FER: variants seen among roughly 807,000 people sequenced by gnomAD.
FER encodes FER tyrosine kinase, also known as tyrosine-protein kinase Fer.
In FER, 63 loss-of-function variants were observed where a neutral mutation model predicts 111.0. The observed-to-expected ratio is 0.57, with a 90% CI of 0.46 to 0.70. The LOEUF is 0.70. Among genes scored for constraint, FER ranks in the 30% least tolerant of loss-of-function variants. FER has a pLI of 0.00. For synonymous variants in FER, 327 were observed against 313.9 expected (o/e 1.04, Z -0.44); for missense variants, 914 against 954.0 (o/e 0.96, Z 0.55).
chr5:108,864,651 A>G (rs1407114561), intron 5 of FER, among the ~76,000 whole-genome samples: 2 of 152,186 alleles, frequency 1.3e-5, no homozygotes, highest in Non-Finnish European at 2.9e-5. Flanking sequence ...CAGGGTTGTC[A>G]AAGATCAGAT....
At chr5:108,938,245 CA>C (rs1291839155) in intron 10 of FER, among the ~76,000 whole-genome samples, 5 of 150,556 alleles carry the variant, frequency 3.3e-5, no homozygotes, top group Middle Eastern at 3.2e-3. Context: ...CCTCATGTTT[CA>C]AAAAAAGGAA....
intron 5 of FER, among the ~76,000 whole-genome samples, chr5:108,849,628 C>T (rs1762359149): frequency 6.6e-6 from 1 of 152,140 alleles, no homozygotes; most frequent in African/African-American, 2.4e-5. Flanking sequence ...AAATCCTTGT[C>T]ACCCAGTTCT....
chr5:108,844,079 T>TGTGTGTGAACAC (rs1561500174), intron 5 of FER, among the ~76,000 whole-genome samples: 6 of 144,496 alleles, frequency 4.2e-5, no homozygotes, highest in Non-Finnish European at 6.1e-5. Flanking sequence ...TGTGTGAACA[T>TGTGTGTGAACAC]ATATGCGTGT....
Position 108,913,281 on chromosome 5 carries a change from C to T in FER, c.1236+15433C>T, listed in dbSNP as rs1751810247. On this transcript the variant is annotated intron_variant, in intron 10 of 19. Transcript: ENST00000281092. ...GCTTGATATTGCAAAATGAAACCAT[C>T]AGCATTTAGGTTGCAGTTTTTAGTT... Among the ~76,000 whole-genome samples the T allele has an allele frequency of 3.3e-5, 5 of 152,148 alleles. No homozygotes were observed. The South Asian group carries it at 1.0e-3, about 32-fold the overall frequency.
At chr5:108,878,336 G>C (rs1409290613) in intron 8 of FER, among the ~76,000 whole-genome samples, 1 of 151,430 alleles carries the variant, frequency 6.6e-6, no homozygotes, top group Non-Finnish European at 1.5e-5. Flanking sequence ...TCTTTTCGTC[G>C]ACCACCATCA....
chr5:108,750,958 C>T (rs1272303992), intron 1 of FER, among the ~76,000 whole-genome samples: 5 of 151,960 alleles, frequency 3.3e-5, no homozygotes, highest in Non-Finnish European at 7.4e-5. Flanking sequence ...TTTGGGAGGC[C>T]GAGGCGGGCG....
intron 10 of FER, among the ~76,000 whole-genome samples, chr5:108,898,719 C>T (rs1416449161): frequency 6.7e-6 from 1 of 149,714 alleles, no homozygotes; most frequent in Non-Finnish European, 1.5e-5. Context: ...TATTATCTAC[C>T]TATTGATCTA....
At chr5:108,788,415 C>T (rs1283565749) in intron 2 of FER, among the ~76,000 whole-genome samples, 1 of 152,114 alleles carries the variant, frequency 6.6e-6, no homozygotes, top group Non-Finnish European at 1.5e-5. Context: ...TGCAGCCTGC[C>T]AGGCTGAGTG....
At chr5:108,854,697 A>G (rs1762831574) in intron 5 of FER, among the ~76,000 whole-genome samples, 1 of 152,154 alleles carries the variant, frequency 6.6e-6, no homozygotes, top group South Asian at 2.1e-4. Flanking sequence ...GCATTTTGGG[A>G]GGCCGAGGCA....
intron 13 of FER, among the ~76,000 whole-genome samples, chr5:108,974,286 G>C (rs1761047039): frequency 1.3e-5 from 2 of 152,246 alleles, no homozygotes; most frequent in East Asian, 1.9e-4. Flanking sequence ...TGGTATTTTA[G>C]GGGACATAGT....
intron 3 of FER, among the ~76,000 whole-genome samples, chr5:108,821,175 GAA>G (rs1259370129): frequency 6.6e-6 from 1 of 152,192 alleles, no homozygotes; most frequent in Non-Finnish European, 1.5e-5. Flanking sequence ...TTAACCAAGA[GAA>G]AGTGAAATTC....
intron 17 of FER, among the ~76,000 whole-genome samples, chr5:109,136,595 A>G (rs562375794): frequency 6.6e-6 from 1 of 152,298 alleles, no homozygotes; most frequent in African/African-American, 2.4e-5. Flanking sequence ...AATTATTTTC[A>G]TATACAGATT....
intron 5 of FER, among the ~76,000 whole-genome samples, chr5:108,852,404 A>C (rs922157816): frequency 6.6e-6 from 1 of 152,188 alleles, no homozygotes. Context: ...AAAAATGGAT[A>C]CGACTTTTTA....
At chr5:109,130,606 G>A (rs1752255690) in intron 17 of FER, among the ~76,000 whole-genome samples, 1 of 152,026 alleles carries the variant, frequency 6.6e-6, no homozygotes, top group African/African-American at 2.4e-5. Flanking sequence ...TGCAATTAGT[G>A]TGAAATTTGT....
At chr5:108,802,498 C>A (rs925142437) in intron 3 of FER, among the ~76,000 whole-genome samples, 3 of 151,918 alleles carry the variant, frequency 2.0e-5, no homozygotes, top group African/African-American at 7.3e-5. Context: ...TTCAGCCTTT[C>A]CCCCCGTCCT....
At chr5:108,749,031 G>A (rs1202824494) in intron 1 of FER, 1 of 152,424 alleles carries the variant, frequency 6.6e-6, no homozygotes, top group East Asian at 1.9e-4. Context: ...AGGCGCTGTT[G>A]CCCGGGGCAA....
Position 108,862,582 on chromosome 5 carries a change from T to TG in FER, c.482-5183dup, listed in dbSNP as rs762292643. Among the ~76,000 whole-genome samples the TG allele has an allele frequency of 4.8e-4, 73 of 152,246 alleles. 1 individual carries two copies. The highest frequency in any genetic ancestry group is 1.5e-3 in the Admixed American group (23 of 15,296). ...AAATTTTTAAATAAGAGGCAAAATA[T>TG]GGAATTCAGTGAATTGATTATACCT... On this transcript the variant is annotated intron_variant, in intron 5 of 19. Coordinates refer to ENST00000281092, the MANE Select transcript of FER (RefSeq NM_005246.4).
intron 8 of FER, among the ~76,000 whole-genome samples, chr5:108,873,659 CA>C (rs1406177773): frequency 6.6e-6 from 1 of 152,104 alleles, no homozygotes; most frequent in East Asian, 1.9e-4. Context: ...ATGCCCTATA[CA>C]GGGGTCTCAC....
intron 5 of FER, among the ~76,000 whole-genome samples, chr5:108,865,468 A>C (rs1476818941): frequency 1.3e-5 from 2 of 152,184 alleles, no homozygotes; most frequent in Non-Finnish European, 2.9e-5. Flanking sequence ...TTAGACCTAA[A>C]ACCATAAAAA....
Sources: allele counts gnomAD v4.1 joint callset (sites outside exome capture counted in the v4.1 genomes callset), GRCh38; gene constraint gnomAD v4.1.1; transcripts MANE v1.5; gene names NCBI Gene and HGNC (gene_info 2026-07-23, HGNC 2026-07-21).